Variants in METTL21C observed in about 807,000 individuals in gnomAD.
METTL21C encodes protein-lysine methyltransferase METTL21C.
Under a neutral mutation model 25.9 loss-of-function variants are expected in METTL21C, and 21 were observed. The ratio of observed to expected loss-of-function variants is 0.81; its 90% confidence interval spans 0.58 to 1.17. METTL21C has a LOEUF of 1.17. Among genes scored for constraint, METTL21C ranks in the 50% most tolerant of loss-of-function variants. The pLI is 0.00. For missense variants in METTL21C, 312 were observed against 315.1 expected (o/e 0.99, Z 0.07); for synonymous variants, 125 against 124.7 (o/e 1.00, Z -0.01).
chr13:102,691,725 T>C (rs1007687142), intron 1 of METTL21C, among the ~76,000 whole-genome samples: 4 of 152,228 alleles, frequency 2.6e-5, no homozygotes, highest in African/African-American at 9.6e-5. Flanking sequence ...CAATCTTTCC[T>C]ACAATTGCTG....
intron 1 of METTL21C, among the ~76,000 whole-genome samples, chr13:102,693,256 C>T (rs1441333782): frequency 1.3e-5 from 2 of 152,160 alleles, no homozygotes; most frequent in Non-Finnish European, 2.9e-5. Flanking sequence ...TTTTAATATA[C>T]CTTTGTCTTT....
At chr13:102,697,598 C>T (rs990666986), upstream of METTL21C, among the ~76,000 whole-genome samples, 1 of 152,096 alleles carries the variant, frequency 6.6e-6, no homozygotes. Context: ...TCAGTGTTCT[C>T]GTCTATACGG....
upstream of METTL21C, among the ~76,000 whole-genome samples, chr13:102,696,398 G>T (rs1384816526): frequency 6.6e-6 from 1 of 152,020 alleles, no homozygotes; most frequent in Non-Finnish European, 1.5e-5. Flanking sequence ...AGAGCATTAG[G>T]AGAAATACCT....
chr13:102,689,758 C>T (rs182290899), intron 2 of METTL21C, among the ~76,000 whole-genome samples: 47 of 152,322 alleles, frequency 3.1e-4, no homozygotes, highest in Middle Eastern at 6.8e-3. Flanking sequence ...AGCAGACTGG[C>T]CTGCGTTCCC....
At chr13:102,688,103 A>G (rs1282329025) in intron 2 of METTL21C, among the ~76,000 whole-genome samples, 1 of 152,152 alleles carries the variant, frequency 6.6e-6, no homozygotes. Context: ...TGAACTCTAT[A>G]ATTTACTTAT....
the METTL21C span, among the ~76,000 whole-genome samples, chr13:102,703,702 T>C: frequency 2.0e-5 from 3 of 152,272 alleles, no homozygotes; most frequent in South Asian, 6.2e-4. Context: ...CTTGTGAAAA[T>C]ATATAATTCA....
At chr13:102,690,685 G>A in intron 2 of METTL21C, 128 bp downstream of exon 2, 1 of 1,061,082 alleles carries the variant, frequency 9.4e-7, no homozygotes, top group Non-Finnish European at 1.3e-6. Context: ...CCTCCAGGGG[G>A]CAAGCAACTG....
At chr13:102,700,451 CT>C in the METTL21C span, among the ~76,000 whole-genome samples, 2 of 152,194 alleles carry the variant, frequency 1.3e-5, no homozygotes, top group African/African-American at 4.8e-5. Context: ...AAATCTCCAA[CT>C]GCAACTATGT....
At chr13:102,693,996 T>C (rs765556183) in intron 1 of METTL21C, among the ~76,000 whole-genome samples, 2 of 152,226 alleles carry the variant, frequency 1.3e-5, no homozygotes, top group Non-Finnish European at 2.9e-5. Context: ...CAGTTTGATT[T>C]ATAAAGATTC....
rs1361045988 is a variant in METTL21C at position 102,685,916 on chromosome 13, CA to C, written c.*114del. The C allele has an allele frequency of 3.0e-6, 3 of 992,132 alleles. No individual in the cohort carries two copies. The highest frequency in any genetic ancestry group is 4.3e-6 in the Non-Finnish European group (3 of 691,552). The allele number at this position is 992,132 out of a possible 1,614,324, so 61.5% of individuals were successfully genotyped here. On this transcript the variant is annotated 3_prime_UTR_variant, in exon 4 of 4. Coordinates refer to ENST00000267273, the MANE Select transcript of METTL21C (RefSeq NM_001010977.3). ...TATTGTTACATTTGTTCCAAGTATA[CA>C]AGTTGTTTCTATGCACTACCTTCTC...
intron 1 of METTL21C, among the ~76,000 whole-genome samples, chr13:102,692,150 A>G (rs951817130): frequency 6.6e-6 from 1 of 152,172 alleles, no homozygotes; most frequent in Admixed American, 6.5e-5. Flanking sequence ...CTTTGGACAA[A>G]GGTAGAAGGG....
At chr13:102,697,533 T>G (rs1885966352), upstream of METTL21C, among the ~76,000 whole-genome samples, 1 of 152,146 alleles carries the variant, frequency 6.6e-6, no homozygotes, top group Admixed American at 6.5e-5. Context: ...ATTACCAGCC[T>G]AGGTGTCTAC....
intron 1 of METTL21C, 86 bp from the exon 2 acceptor site, chr13:102,691,050 T>C: frequency 7.0e-7 from 1 of 1,436,736 alleles, no homozygotes; most frequent in East Asian, 2.3e-5. Context: ...AAGATGGCAT[T>C]AGATTGAATG....
upstream of METTL21C, among the ~76,000 whole-genome samples, chr13:102,695,340 A>G (rs934786516): frequency 6.6e-6 from 1 of 152,218 alleles, no homozygotes; most frequent in African/African-American, 2.4e-5. Flanking sequence ...AAACTCTTCC[A>G]AGAAAAAGTA....
At chr13:102,691,106 G>A in intron 1 of METTL21C, 142 bp from the exon 2 acceptor site, 1 of 889,618 alleles carries the variant, frequency 1.1e-6, no homozygotes, top group Non-Finnish European at 1.7e-6. Context: ...GAGAACGGCT[G>A]CAAATTGGCA....
At chr13:102,697,923 A>G (rs538152835), upstream of METTL21C, among the ~76,000 whole-genome samples, 14 of 151,892 alleles carry the variant, frequency 9.2e-5, no homozygotes, top group Middle Eastern at 3.4e-3. Context: ...GAATTATTCC[A>G]CTCCAGCTGC....
At chr13:102,686,800 C>A (rs892116786) in intron 3 of METTL21C, 140 bp downstream of exon 3, 2 of 665,130 alleles carry the variant, frequency 3.0e-6, no homozygotes, top group Non-Finnish European at 5.3e-6. Context: ...AGCAGTAATT[C>A]CTGCCGCATG....
chr13:102,695,979 A>C (rs1466363771), upstream of METTL21C, among the ~76,000 whole-genome samples: 12 of 152,234 alleles, frequency 7.9e-5, no homozygotes, highest in Admixed American at 7.8e-4. Context: ...TTCATTCTAC[A>C]AGCTTTAAAA....
chr13:102,692,200 GC>G (rs1465995985), intron 1 of METTL21C, among the ~76,000 whole-genome samples: 1 of 152,164 alleles, frequency 6.6e-6, no homozygotes, highest in Admixed American at 6.5e-5. Context: ...ATCTGAAATA[GC>G]CTCTCAAGGT....
Sources: allele counts gnomAD v4.1 joint callset (sites outside exome capture counted in the v4.1 genomes callset), GRCh38; gene constraint gnomAD v4.1.1; transcripts MANE v1.5; gene names NCBI Gene and HGNC (gene_info 2026-07-23, HGNC 2026-07-21).